The following MSRA variants were observed in gnomAD, a reference collection of about 807,000 sequenced individuals.
MSRA encodes methionine sulfoxide reductase A.
Under a neutral mutation model 31.3 loss-of-function variants are expected in MSRA, and 54 were observed. The observed-to-expected ratio is 1.73, with a 90% confidence interval of 1.39 to 2.17. MSRA has a LOEUF of 2.17. Ranked by LOEUF, MSRA falls within the 30% of genes most tolerant of loss-of-function variation. The pLI is 0.00. For synonymous variants in MSRA, 169 were observed against 116.5 expected (o/e 1.45, Z -2.90); for missense variants, 507 against 300.9 (o/e 1.69, Z -5.07).
In MSRA at chr8:10,370,140, A is replaced by G. The variant is rs148595820; in HGVS notation, c.543+50151A>G. On this transcript the variant is annotated intron_variant, in intron 5 of 5. Transcript: ENST00000317173. ...TTTTGCAGCTGCAAAATGCTTCCAC[A>G]TGTCATTTTCATTCCCTCAAGCCTG... 2.3e-3 allele frequency among the ~76,000 whole-genome samples: 354 copies of G among 152,320 alleles called. 1 individual carries two copies. The highest frequency in any genetic ancestry group is 4.2e-3 in the Non-Finnish European group (289 of 68,020).
chr8:10,187,915 A>G (rs779136499), intron 1 of MSRA, among the ~76,000 whole-genome samples: 1 of 152,236 alleles, frequency 6.6e-6, no homozygotes, highest in Non-Finnish European at 1.5e-5. Context: ...TTTAATGAAC[A>G]GGTTCCTGCC....
intron 5 of MSRA, among the ~76,000 whole-genome samples, chr8:10,363,958 G>A (rs1332140959): frequency 6.6e-6 from 1 of 152,032 alleles, no homozygotes; most frequent in Middle Eastern, 3.2e-3. Flanking sequence ...AAAAACAAAA[G>A]AAGAACACAT....
intron 5 of MSRA, among the ~76,000 whole-genome samples, chr8:10,402,511 G>A (rs187178672): frequency 2.0e-5 from 3 of 152,362 alleles, no homozygotes; most frequent in East Asian, 1.9e-4. Flanking sequence ...TTCCAATGAC[G>A]CAAGCATCCA....
At chr8:10,411,541 A>G (rs1260530902) in intron 5 of MSRA, 3 of 152,110 alleles carry the variant, frequency 2.0e-5, no homozygotes, top group Non-Finnish European at 4.4e-5. Flanking sequence ...GCTTCAGCCA[A>G]TATAGTGTGA....
At chr8:10,413,143 T>C (rs917269325) in intron 5 of MSRA, among the ~76,000 whole-genome samples, 14 of 152,208 alleles carry the variant, frequency 9.2e-5, no homozygotes, top group Admixed American at 5.2e-4. Context: ...TGATCTCGCC[T>C]GTGGCTGCCA....
chr8:10,363,406 C>T (rs975693440), intron 5 of MSRA, among the ~76,000 whole-genome samples: 1 of 152,132 alleles, frequency 6.6e-6, no homozygotes, highest in African/African-American at 2.4e-5. Context: ...GGGTGGGGAC[C>T]TCCCGTCCAA....
intron 3 of MSRA, among the ~76,000 whole-genome samples, chr8:10,248,711 A>G (rs1797760392): frequency 6.6e-6 from 1 of 152,256 alleles, no homozygotes; most frequent in Admixed American, 6.5e-5. Flanking sequence ...TATAGAAAAG[A>G]TAACATGGCT....
At chr8:10,315,088 C>A (rs1480705589) in intron 4 of MSRA, among the ~76,000 whole-genome samples, 1 of 152,058 alleles carries the variant, frequency 6.6e-6, no homozygotes, top group East Asian at 1.9e-4. Flanking sequence ...GGGAACTGAC[C>A]TTTATAAAAC....
At chr8:10,340,325 G>A (rs1021252711) in intron 5 of MSRA, among the ~76,000 whole-genome samples, 3 of 152,138 alleles carry the variant, frequency 2.0e-5, no homozygotes, top group East Asian at 3.8e-4. Context: ...ATGTATATCC[G>A]AATTCCACGT....
chr8:10,396,258 G>T (rs1461840535), intron 5 of MSRA, among the ~76,000 whole-genome samples: 1 of 152,154 alleles, frequency 6.6e-6, no homozygotes, highest in Non-Finnish European at 1.5e-5. Flanking sequence ...CCGTTCTCAG[G>T]TGCACTGTCT....
At chr8:10,167,318 A>G (rs193102492) in intron 1 of MSRA, among the ~76,000 whole-genome samples, 11 of 152,364 alleles carry the variant, frequency 7.2e-5, no homozygotes, top group Middle Eastern at 6.8e-3. Flanking sequence ...GCTGAAAATC[A>G]CATGGAAACC....
chr8:10,413,510 CAA>C (rs1416472569), intron 5 of MSRA, among the ~76,000 whole-genome samples: 1 of 151,640 alleles, frequency 6.6e-6, no homozygotes, highest in African/African-American at 2.4e-5. Flanking sequence ...AAATATGTAA[CAA>C]AGAAACATGA....
intron 2 of MSRA, among the ~76,000 whole-genome samples, chr8:10,228,440 A>G (rs1216834536): frequency 1.3e-5 from 2 of 151,926 alleles, no homozygotes; most frequent in Non-Finnish European, 2.9e-5. Flanking sequence ...CCATAAAATT[A>G]TGCTCCCTTC....
intron 2 of MSRA, among the ~76,000 whole-genome samples, chr8:10,226,165 A>G (rs1017689849): frequency 6.6e-6 from 1 of 152,208 alleles, no homozygotes; most frequent in Non-Finnish European, 1.5e-5. Flanking sequence ...TCAGGTGACT[A>G]TAGGGGAGGG....
intron 1 of MSRA, among the ~76,000 whole-genome samples, chr8:10,170,332 C>A (rs1283355292): frequency 1.3e-5 from 2 of 152,146 alleles, no homozygotes; most frequent in Non-Finnish European, 2.9e-5. Flanking sequence ...GGAGTTAGTG[C>A]TCTTATAAGA....
At chr8:10,414,809 G>A (rs963164195) in intron 5 of MSRA, among the ~76,000 whole-genome samples, 5 of 152,166 alleles carry the variant, frequency 3.3e-5, no homozygotes, top group African/African-American at 1.2e-4. Context: ...TGTACTAAAT[G>A]CTAAGCATAT....
At chr8:10,351,505 G>T (rs939809366) in intron 5 of MSRA, among the ~76,000 whole-genome samples, 6 of 152,148 alleles carry the variant, frequency 3.9e-5, no homozygotes, top group African/African-American at 1.4e-4. Context: ...ACCCGCTTCA[G>T]CCTCCCAAAG....
intron 1 of MSRA, among the ~76,000 whole-genome samples, chr8:10,113,569 C>G (rs1213390374): frequency 6.6e-6 from 1 of 151,250 alleles, no homozygotes; most frequent in African/African-American, 2.4e-5. Flanking sequence ...AAGTGGTGGG[C>G]TTGGAGATTT....
chr8:10,060,582 G>A (rs561524777), intron 1 of MSRA, among the ~76,000 whole-genome samples: 1 of 150,512 alleles, frequency 6.6e-6, no homozygotes, highest in African/African-American at 2.4e-5. Context: ...GATCTGTCTC[G>A]CTGTTTTTAG....
Sources: allele counts gnomAD v4.1 joint callset (sites outside exome capture counted in the v4.1 genomes callset), GRCh38; gene constraint gnomAD v4.1.1; transcripts MANE v1.5; gene names NCBI Gene and HGNC (gene_info 2026-07-23, HGNC 2026-07-21).